The following TEAD1 variants were observed in gnomAD, a reference collection of about 807,000 sequenced individuals.
The protein encoded by TEAD1 is transcriptional enhancer factor TEF-1.
In TEAD1, 9 loss-of-function variants were observed where a neutral mutation model predicts 54.9. The ratio of observed to expected loss-of-function variants is 0.16; its 90% CI spans 0.10 to 0.29. The LOEUF (loss-of-function observed/expected upper bound fraction) is 0.29. TEAD1 is among the 10% of genes least tolerant of loss of function. The pLI, the probability that TEAD1 is intolerant of heterozygous loss-of-function variation, is 1.00. For synonymous variants in TEAD1, 200 were observed against 187.8 expected (o/e 1.07, Z -0.53); for missense variants, 387 against 535.9 (o/e 0.72, Z 2.74).
intron 9 of TEAD1, among the ~76,000 whole-genome samples, chr11:12,897,792 C>T (rs1948342154): frequency 6.6e-6 from 1 of 152,188 alleles, no homozygotes. Flanking sequence ...TTTTAAAACG[C>T]TGTTTAGTTT....
chr11:12,718,299 C>T (rs1361623967), intron 2 of TEAD1, among the ~76,000 whole-genome samples: 1 of 152,124 alleles, frequency 6.6e-6, no homozygotes, highest in African/African-American at 2.4e-5. Context: ...TGGCAGGTCC[C>T]TAGCCTCTCA....
intron 3 of TEAD1, among the ~76,000 whole-genome samples, chr11:12,778,677 G>T (rs902343974): frequency 3.3e-5 from 5 of 151,886 alleles, no homozygotes; most frequent in Admixed American, 1.3e-4. Flanking sequence ...AAAAATGTTT[G>T]AATTAGTGAA....
chr11:12,942,828 A>G lies in TEAD1; in HGVS notation c.*5606A>G, dbSNP rs962319792. 6.6e-6 allele frequency: 1 copy of G among 152,208 alleles called. No homozygotes were observed. Among genetic ancestry groups the G allele is most frequent in the Non-Finnish European group, 1.5e-5 (1 of 68,034 alleles). 9.4% of individuals were successfully genotyped at this position (152,208 alleles called of 1,614,324 possible). A position where few individuals can be genotyped will look rare whatever the true frequency, so the allele number is the denominator to read the frequency against. On this transcript the variant is annotated 3_prime_UTR_variant, in exon 13 of 13. Coordinates refer to ENST00000527636, the MANE Select transcript of TEAD1 (RefSeq NM_021961.6). ...CTACGAGAAACTTCCAAAGAGCACC[A>G]TTCACAATTTGGCATTTTCAAAGAA...
At chr11:12,777,548 T>C (rs1945456087) in intron 3 of TEAD1, among the ~76,000 whole-genome samples, 2 of 152,338 alleles carry the variant, frequency 1.3e-5, no homozygotes, top group South Asian at 4.1e-4. Context: ...TGCATGATAA[T>C]GTCCTGATAA....
intron 2 of TEAD1, among the ~76,000 whole-genome samples, chr11:12,735,963 G>T (rs118054660): frequency 6.6e-6 from 1 of 152,290 alleles, no homozygotes; most frequent in Non-Finnish European, 1.5e-5. Context: ...CCACTTCTGT[G>T]TCTCAGTTGG....
rs1172458005 is a variant in TEAD1 at position 12,781,966 on chromosome 11, AAAAAAGAAAGAAAAAAAGAAAAAG to A, written c.202+17538_202+17561del. On this transcript the variant is annotated intron_variant, in intron 3 of 12. Transcript: ENST00000527636. ...CTCGTCTGTACAAAAAAAAAAAAAA[AAAAAAGAAAGAAAAAAAGAAAAAG>A]AAAAAAAAAATTAGCCAAGCGTGGT... 3.5e-3 allele frequency among the ~76,000 whole-genome samples: 504 copies of A among 142,076 alleles called. 22 individuals carry two copies. Among genetic ancestry groups the A allele is most frequent in the African/African-American group, 0.015 (488 of 32,936 alleles). 93.2% of individuals were successfully genotyped at this position (142,076 alleles called of 152,430 possible). A position where few individuals can be genotyped will look rare whatever the true frequency, so the allele number is the denominator to read the frequency against.
intron 3 of TEAD1, among the ~76,000 whole-genome samples, chr11:12,770,305 A>G (rs1233323173): frequency 6.6e-6 from 1 of 152,240 alleles, no homozygotes; most frequent in Non-Finnish European, 1.5e-5. Flanking sequence ...GTAGCTAATT[A>G]AAGATGGCTC....
In TEAD1 at chr11:12,719,988, TTTTTTTGG is replaced by T. The variant is rs1944158207; in HGVS notation, c.-54-44190_-54-44183del. 3.9e-5 allele frequency among the ~76,000 whole-genome samples: 2 copies of T among 51,670 alleles called. 1 individual carries two copies. The highest frequency in any genetic ancestry group is 6.4e-5 in the Non-Finnish European group (2 of 31,438). 33.9% of individuals were successfully genotyped at this position (51,670 alleles called of 152,430 possible). ...TTTTTTTTTTTTTTTTTTTTTTTTT[TTTTTTTGG>T]GGGGGGACCCAGCCATGCTGTGTCT... On this transcript the variant is annotated intron_variant, in intron 2 of 12. Transcript: ENST00000527636.
intron 3 of TEAD1, among the ~76,000 whole-genome samples, chr11:12,775,032 A>G (rs1590137574): frequency 6.6e-6 from 1 of 152,344 alleles, no homozygotes; most frequent in East Asian, 1.9e-4. Context: ...GTCAAAAAAA[A>G]GGAAGTTATA....
rs1947979886 is a variant in TEAD1, at chr11:12,881,943, C to G, written c.560C>G (p.Thr187Arg). The G allele has an allele frequency of 1.9e-6, 3 of 1,614,236 alleles. No homozygotes were observed. The highest frequency in any genetic ancestry group is 2.5e-6 in the Non-Finnish European group (3 of 1,180,042). Residue 187 changes from threonine (T) to arginine (R), a missense_variant, in exon 8 of 13, where the codon ACA (threonine) becomes AGA (arginine). Physicochemically the swap from Thr to Arg is moderately conservative, Grantham distance 71. Coordinates refer to ENST00000527636, the MANE Select transcript of TEAD1 (RefSeq NM_021961.6). The stretch of plus-strand genomic sequence containing the variant: ...GCCTACCCCATCCAGCCAGCGGTCA[C>G]AGCCCCCATTCCAGGTGAGTGTCCC...
intron 3 of TEAD1, among the ~76,000 whole-genome samples, chr11:12,858,422 G>A (rs1947435872): frequency 6.6e-6 from 1 of 152,162 alleles, no homozygotes; most frequent in Non-Finnish European, 1.5e-5. Flanking sequence ...AGATCAGCCT[G>A]TATTTCCAAA....
intron 3 of TEAD1, among the ~76,000 whole-genome samples, chr11:12,803,938 C>T (rs1362342240): frequency 1.3e-5 from 2 of 152,156 alleles, no homozygotes; most frequent in African/African-American, 4.8e-5. Context: ...TTAGGCGGTA[C>T]GTATCACAGA....
chr11:12,755,533 T>G (rs1030590572), intron 2 of TEAD1, among the ~76,000 whole-genome samples: 1 of 152,212 alleles, frequency 6.6e-6, no homozygotes, highest in Non-Finnish European at 1.5e-5. Context: ...CTTAAGGTTT[T>G]CTTTGACTGT....
rs538611972 is a variant in TEAD1 at position 12,938,826 on chromosome 11, T to C, written c.*1604T>C. On this transcript the variant is annotated 3_prime_UTR_variant, in exon 13 of 13. Transcript: ENST00000527636. ...GTGCTCCTCCAGCTTCCCAAAGAAA[T>C]ATGTTTTTGTAAGTGGTAGGAACAT... The C allele has an allele frequency of 6.6e-6, 1 of 152,370 alleles. No individual in the cohort carries two copies. The highest frequency in any genetic ancestry group is 2.4e-5 in the African/African-American group (1 of 41,578). The allele number at this position is 152,370 out of a possible 1,614,324, so 9.4% of individuals were successfully genotyped here.
Position 12,739,126 on chromosome 11 carries a change from A to G in TEAD1, c.-54-25053A>G, listed in dbSNP as rs556094587. 3.9e-5 allele frequency among the ~76,000 whole-genome samples: 6 copies of G among 152,302 alleles called. No homozygotes were observed. The East Asian group carries it at 1.2e-3, about 29-fold the overall frequency. ...TTGGAATATGAGTGCTCCAGCACTG[A>G]GAGTTATGTTTAGGTTACACTGTGA... On this transcript the variant is annotated intron_variant, in intron 2 of 12. Transcript: ENST00000527636.
intron 3 of TEAD1, among the ~76,000 whole-genome samples, chr11:12,765,320 T>A (rs1326716437): frequency 1.3e-5 from 2 of 152,124 alleles, no homozygotes; most frequent in Middle Eastern, 3.2e-3. Flanking sequence ...GCAGGTGTAG[T>A]TGCTTGAACA....
chr11:12,739,255 C>G (rs989565401), intron 2 of TEAD1, among the ~76,000 whole-genome samples: 6 of 151,936 alleles, frequency 3.9e-5, no homozygotes, highest in African/African-American at 1.5e-4. Context: ...AGTCATCTAT[C>G]TCTGTCATCT....
chr11:12,903,059 A>G (rs749434849), intron 10 of TEAD1, among the ~76,000 whole-genome samples: 1 of 152,060 alleles, frequency 6.6e-6, no homozygotes, highest in Non-Finnish European at 1.5e-5. Flanking sequence ...GGCCTTATTC[A>G]TATAGTGGCT....
intron 3 of TEAD1, among the ~76,000 whole-genome samples, chr11:12,854,584 G>A (rs1467810120): frequency 6.6e-6 from 1 of 151,932 alleles, no homozygotes; most frequent in African/African-American, 2.4e-5. Context: ...GGCAGAGATG[G>A]CGTGTTTTCT....
Sources: gnomAD v4.1 joint callset for allele counts (sites outside exome capture counted in the v4.1 genomes callset) on GRCh38, gnomAD v4.1.1 for gene constraint, MANE v1.5 for transcripts, NCBI Gene and HGNC (gene_info 2026-07-23, HGNC 2026-07-21) for gene names.